Variants in PLD5 observed in about 807,000 individuals in gnomAD.
The protein encoded by PLD5 is phospholipase D family member 5.
Under a neutral mutation model 61.1 loss-of-function variants are expected in PLD5, and 36 were observed. The ratio of observed to expected loss-of-function variants is 0.59; its 90% confidence interval spans 0.45 to 0.78. The LOEUF is 0.78. PLD5 is among the 30% of genes least tolerant of loss of function. The probability of loss-of-function intolerance (pLI) is 0.00; values close to 1 mark genes in which losing one functional copy is unlikely to be tolerated. For missense variants in PLD5, 515 were observed against 644.4 expected (o/e 0.80, Z 2.17); for synonymous variants, 243 against 242.8 (o/e 1.00, Z -0.01).
chr1:242,149,537 G>A (rs1382015837), intron 5 of PLD5, among the ~76,000 whole-genome samples: 7 of 151,298 alleles, frequency 4.6e-5, no homozygotes, highest in African/African-American at 1.7e-4. Flanking sequence ...GGAAGAGTTT[G>A]TGGAGAATTG....
intron 3 of PLD5, among the ~76,000 whole-genome samples, chr1:242,273,170 TGTG>T (rs1674211046): frequency 6.6e-6 from 1 of 151,486 alleles, no homozygotes; most frequent in African/African-American, 2.4e-5. Flanking sequence ...AATGAAAACA[TGTG>T]GTGTTTTGTT....
intron 5 of PLD5, among the ~76,000 whole-genome samples, chr1:242,173,710 A>T (rs963581584): frequency 2.0e-5 from 3 of 152,190 alleles, no homozygotes; most frequent in African/African-American, 7.2e-5. Context: ...ATATAGACCA[A>T]TGGAATAGAA....
At chr1:242,485,071 G>C (rs1667911265) in intron 1 of PLD5, among the ~76,000 whole-genome samples, 1 of 151,978 alleles carries the variant, frequency 6.6e-6, no homozygotes, top group Admixed American at 6.6e-5. Flanking sequence ...AAAATAATAA[G>C]AGCTATTTAT....
intron 3 of PLD5, among the ~76,000 whole-genome samples, chr1:242,271,161 A>T (rs1267498430): frequency 6.7e-6 from 1 of 148,182 alleles, no homozygotes. Flanking sequence ...GAAATATCTC[A>T]AAGTACACAT....
intron 4 of PLD5, among the ~76,000 whole-genome samples, chr1:242,261,922 T>G (rs1285731954): frequency 3.3e-5 from 5 of 152,208 alleles, no homozygotes; most frequent in Admixed American, 3.3e-4. Flanking sequence ...TGGCCGTATC[T>G]ATCGAAATCG....
intron 5 of PLD5, among the ~76,000 whole-genome samples, chr1:242,163,137 C>A (rs71648690): frequency 0.28 from 36,847 of 130,548 alleles, 5,029 homozygotes; most frequent in South Asian, 0.43. Flanking sequence ...CTTTTATTTT[C>A]TTTTCTTTTC....
chr1:242,354,247 C>T (rs1660632541), intron 1 of PLD5, among the ~76,000 whole-genome samples: 1 of 152,170 alleles, frequency 6.6e-6, no homozygotes, highest in South Asian at 2.1e-4. Flanking sequence ...AGTTACCACC[C>T]ACTTTGCCAA....
chr1:242,297,846 A>G (rs1558441183), intron 2 of PLD5, among the ~76,000 whole-genome samples: 3 of 150,728 alleles, frequency 2.0e-5, no homozygotes, highest in Non-Finnish European at 4.4e-5. Context: ...TCACCTTGTT[A>G]GCCAGGATGG....
At chr1:242,192,229 T>A (rs1338355453) in intron 5 of PLD5, 1 of 152,348 alleles carries the variant, frequency 6.6e-6, no homozygotes, top group East Asian at 1.9e-4. Flanking sequence ...CCAACCATCC[T>A]GCACGGCTGC....
chr1:242,370,409 C>T (rs562565858), intron 1 of PLD5, among the ~76,000 whole-genome samples: 11 of 151,824 alleles, frequency 7.2e-5, no homozygotes, highest in South Asian at 6.3e-4. Flanking sequence ...AAGGACCTTA[C>T]GGGTGAGGGG....
chr1:242,409,839 T>C (rs1664449659), intron 1 of PLD5, among the ~76,000 whole-genome samples: 1 of 152,168 alleles, frequency 6.6e-6, no homozygotes, highest in Admixed American at 6.5e-5. Context: ...GGGCGCCATG[T>C]TGCCAGGCAC....
intron 2 of PLD5, among the ~76,000 whole-genome samples, chr1:242,320,384 A>G (rs11497380): frequency 6.6e-6 from 1 of 152,206 alleles, no homozygotes; most frequent in Admixed American, 6.5e-5. Context: ...AGCTGATGCC[A>G]TGAAAGTGGT....
At chr1:242,221,251 G>A (rs772916559) in intron 4 of PLD5, among the ~76,000 whole-genome samples, 9 of 152,162 alleles carry the variant, frequency 5.9e-5, no homozygotes, top group Non-Finnish European at 1.3e-4. Context: ...TTCAATGCAA[G>A]GGTATTTAAA....
intron 9 of PLD5, among the ~76,000 whole-genome samples, chr1:242,098,997 T>C (rs377177546): frequency 2.0e-5 from 3 of 152,238 alleles, no homozygotes; most frequent in African/African-American, 7.2e-5. Flanking sequence ...GTTAGGCTAC[T>C]TGGGGGTCAG....
intron 4 of PLD5, among the ~76,000 whole-genome samples, chr1:242,252,662 A>G (rs1672770191): frequency 6.6e-6 from 1 of 152,174 alleles, no homozygotes; most frequent in Non-Finnish European, 1.5e-5. Context: ...TCCCATGATC[A>G]GTATTTTTAG....
At chr1:242,251,494 G>A (rs1422672828) in intron 4 of PLD5, among the ~76,000 whole-genome samples, 1 of 152,174 alleles carries the variant, frequency 6.6e-6, no homozygotes, top group Non-Finnish European at 1.5e-5. Flanking sequence ...TATTCCCACC[G>A]AGTTCCATAC....
intron 1 of PLD5, among the ~76,000 whole-genome samples, chr1:242,470,986 A>C (rs1367936513): frequency 6.6e-6 from 1 of 152,198 alleles, no homozygotes; most frequent in Non-Finnish European, 1.5e-5. Flanking sequence ...TGGCACGAAA[A>C]ACACTGTAGA....
At chr1:242,526,179 G>A (rs979892785), upstream of PLD5, among the ~76,000 whole-genome samples, 2 of 152,148 alleles carry the variant, frequency 1.3e-5, no homozygotes, top group African/African-American at 4.8e-5. Context: ...GAGGCAGGAG[G>A]ATCACTTGAT....
chr1:242,133,435 TG>T (rs1202115393), intron 5 of PLD5, among the ~76,000 whole-genome samples: 1 of 152,222 alleles, frequency 6.6e-6, no homozygotes, highest in Non-Finnish European at 1.5e-5. Context: ...AGTATACTTT[TG>T]TTTCAATAAA....
Sources: gnomAD v4.1 joint callset for allele counts (sites outside exome capture counted in the v4.1 genomes callset) on GRCh38, gnomAD v4.1.1 for gene constraint, MANE v1.5 for transcripts, NCBI Gene and HGNC (gene_info 2026-07-23, HGNC 2026-07-21) for gene names.